SNTG2: variants seen among roughly 807,000 people sequenced by gnomAD.
SNTG2 encodes gamma-2-syntrophin.
In SNTG2, 74 loss-of-function variants were observed where a neutral mutation model predicts 70.9. The observed-to-expected ratio is 1.04, with a 90% CI of 0.86 to 1.27. The LOEUF (loss-of-function observed/expected upper bound fraction) is 1.27, where lower values mean the gene tolerates loss of function less well. SNTG2 is among the 50% of genes most tolerant of loss of function. The pLI is 0.00. For missense variants in SNTG2, 717 were observed against 690.7 expected (o/e 1.04, Z -0.43); for synonymous variants, 278 against 273.8 (o/e 1.02, Z -0.15).
At chr2:1,061,260 G>A (rs1342353476) in intron 1 of SNTG2, among the ~76,000 whole-genome samples, 1 of 152,178 alleles carries the variant, frequency 6.6e-6, no homozygotes, top group Admixed American at 6.5e-5. Flanking sequence ...TGGGTTGGAC[G>A]CTGGGGTGGA....
chr2:987,733 C>G (rs984448579), intron 1 of SNTG2, among the ~76,000 whole-genome samples: 2 of 152,052 alleles, frequency 1.3e-5, no homozygotes, highest in Non-Finnish European at 2.9e-5. Flanking sequence ...CAAGGGGAGG[C>G]TGGGGAGAGA....
At chr2:959,150 A>G (rs1044678123) in intron 1 of SNTG2, among the ~76,000 whole-genome samples, 1 of 152,240 alleles carries the variant, frequency 6.6e-6, no homozygotes, top group African/African-American at 2.4e-5. Flanking sequence ...AAATTTAGTA[A>G]TCGAATAAAG....
At chr2:1,072,705 A>G (rs1314112262) in intron 1 of SNTG2, among the ~76,000 whole-genome samples, 1 of 152,190 alleles carries the variant, frequency 6.6e-6, no homozygotes, top group African/African-American at 2.4e-5. Flanking sequence ...TAAGAAATAC[A>G]TCTCATAAAG....
chr2:1,337,176 G>A (rs1659859715), intron 16 of SNTG2, among the ~76,000 whole-genome samples: 1 of 152,152 alleles, frequency 6.6e-6, no homozygotes, highest in African/African-American at 2.4e-5. Flanking sequence ...ATCTGCTTGA[G>A]TCCCTGCTTT....
chr2:1,113,366 A>G (rs1037895124), intron 4 of SNTG2, among the ~76,000 whole-genome samples: 2 of 151,772 alleles, frequency 1.3e-5, no homozygotes, highest in Admixed American at 1.3e-4. Flanking sequence ...TTTAACCCTT[A>G]CAGTGTTTTG....
chr2:1,021,115 T>G (rs193083076), intron 1 of SNTG2, among the ~76,000 whole-genome samples: 18 of 152,312 alleles, frequency 1.2e-4, no homozygotes, highest in African/African-American at 4.1e-4. Context: ...CGTGTTTTGA[T>G]CTCTTCCAGT....
intron 9 of SNTG2, among the ~76,000 whole-genome samples, chr2:1,225,805 T>C (rs1397842877): frequency 1.3e-5 from 2 of 152,226 alleles, no homozygotes; most frequent in Admixed American, 6.5e-5. Context: ...TGATTCGTCC[T>C]GCTCTTGAGT....
At chr2:1,090,670 T>G (rs997099761) in intron 2 of SNTG2, among the ~76,000 whole-genome samples, 18 of 152,118 alleles carry the variant, frequency 1.2e-4, no homozygotes, top group African/African-American at 4.1e-4. Flanking sequence ...CAGCCCCCCT[T>G]CCCTGATTCT....
At chr2:1,277,061 T>C (rs572790016) in intron 14 of SNTG2, among the ~76,000 whole-genome samples, 18 of 152,322 alleles carry the variant, frequency 1.2e-4, no homozygotes, top group Non-Finnish European at 2.4e-4. Flanking sequence ...GCAAAGAAAG[T>C]GGTTTCTTGA....
intron 8 of SNTG2, among the ~76,000 whole-genome samples, chr2:1,190,221 T>C (rs1048401546): frequency 2.0e-5 from 3 of 152,026 alleles, no homozygotes; most frequent in African/African-American, 4.8e-5. Context: ...ACAAAATCCA[T>C]AGATGCTTAA....
intron 15 of SNTG2, among the ~76,000 whole-genome samples, chr2:1,312,921 G>A (rs956535056): frequency 9.2e-5 from 14 of 152,186 alleles, no homozygotes; most frequent in Non-Finnish European, 1.5e-5. Context: ...TTGGCCTGAT[G>A]AGGAAGAGAA....
At chr2:1,285,579 G>A (rs1222530187) in intron 14 of SNTG2, among the ~76,000 whole-genome samples, 1 of 152,064 alleles carries the variant, frequency 6.6e-6, no homozygotes, top group East Asian at 1.9e-4. Flanking sequence ...CATGATAAAG[G>A]AAAAAGAAAT....
At chr2:1,088,018 T>C (rs1026770458) in intron 2 of SNTG2, among the ~76,000 whole-genome samples, 2 of 152,218 alleles carry the variant, frequency 1.3e-5, no homozygotes, top group Admixed American at 6.5e-5. Flanking sequence ...CCCAAGTTGC[T>C]TCTTATTCTT....
intron 1 of SNTG2, among the ~76,000 whole-genome samples, chr2:994,768 G>A (rs1661622810): frequency 6.6e-6 from 1 of 151,680 alleles, no homozygotes; most frequent in Non-Finnish European, 1.5e-5. Context: ...AGGTTTCAGA[G>A]TTTTGCATTT....
At chr2:1,044,845 C>T (rs1397039195) in intron 1 of SNTG2, among the ~76,000 whole-genome samples, 3 of 151,886 alleles carry the variant, frequency 2.0e-5, no homozygotes, top group Middle Eastern at 3.4e-3. Context: ...ATTGGACTGA[C>T]GTTTTCTTTT....
intron 8 of SNTG2, among the ~76,000 whole-genome samples, chr2:1,200,551 C>A (rs541392818): frequency 6.6e-6 from 1 of 151,982 alleles, no homozygotes; most frequent in Admixed American, 6.5e-5. Context: ...AAAGCTTCTG[C>A]ACAACAAAGG....
chr2:1,231,440 G>A (rs1018548538), intron 9 of SNTG2, among the ~76,000 whole-genome samples: 2 of 152,212 alleles, frequency 1.3e-5, no homozygotes, highest in Non-Finnish European at 2.9e-5. Flanking sequence ...TACAGCTACT[G>A]CTGCCACTAT....
chr2:984,983 G>T (rs912561069), intron 1 of SNTG2, among the ~76,000 whole-genome samples: 11 of 152,118 alleles, frequency 7.2e-5, no homozygotes, highest in Non-Finnish European at 1.2e-4. Flanking sequence ...GTTCTAGGCT[G>T]CACAATTTGC....
chr2:1,193,682 C>T (rs1359271432), intron 8 of SNTG2, among the ~76,000 whole-genome samples: 4 of 152,162 alleles, frequency 2.6e-5, no homozygotes, highest in Non-Finnish European at 4.4e-5. Context: ...AAGTCCTGAG[C>T]ATTTCTAGGC....
Sources: gnomAD v4.1 joint callset for allele counts (sites outside exome capture counted in the v4.1 genomes callset) on GRCh38, gnomAD v4.1.1 for gene constraint, MANE v1.5 for transcripts, NCBI Gene and HGNC (gene_info 2026-07-23, HGNC 2026-07-21) for gene names.